Variants in CDYL2 observed in about 807,000 individuals in gnomAD.
CDYL2 encodes the protein chromodomain Y-like protein 2.
In CDYL2, 23 loss-of-function variants were observed where a neutral mutation model predicts 49.4. That is an observed-to-expected ratio of 0.47 (90% CI 0.34 to 0.66). The LOEUF (loss-of-function observed/expected upper bound fraction) is 0.66. Ranked by LOEUF, CDYL2 falls within the 30% of genes least tolerant of loss-of-function variation. The probability of loss-of-function intolerance (pLI) is 0.01; values close to 1 mark genes in which losing one functional copy is unlikely to be tolerated. For missense variants in CDYL2, 678 were observed against 656.4 expected (o/e 1.03, Z -0.36); for synonymous variants, 360 against 268.8 (o/e 1.34, Z -3.32).
chr16:80,640,270 A>G (rs2142403099), intron 2 of CDYL2, among the ~76,000 whole-genome samples: 1 of 152,286 alleles, frequency 6.6e-6, no homozygotes, highest in East Asian at 1.9e-4. Flanking sequence ...TGCATTTTGG[A>G]TAACAGCTCA....
chr16:80,693,013 T>G (rs1245104298), intron 1 of CDYL2, among the ~76,000 whole-genome samples: 1 of 151,686 alleles, frequency 6.6e-6, no homozygotes, highest in African/African-American at 2.4e-5. Flanking sequence ...CACACAACAA[T>G]TTGGAAGAAA....
At chr16:80,610,332 T>C (rs923368845) in intron 5 of CDYL2, among the ~76,000 whole-genome samples, 4 of 152,158 alleles carry the variant, frequency 2.6e-5, no homozygotes, top group Non-Finnish European at 5.9e-5. Flanking sequence ...GTCCTGAGAA[T>C]GTGCGGAGCT....
At chr16:80,648,881 T>C (rs139901867) in intron 2 of CDYL2, among the ~76,000 whole-genome samples, 2 of 152,146 alleles carry the variant, frequency 1.3e-5, no homozygotes, top group South Asian at 4.1e-4. Context: ...ATCAACAGAA[T>C]GATGGACAAA....
chr16:80,648,420 G>A (rs959223391), intron 2 of CDYL2, among the ~76,000 whole-genome samples: 4 of 152,018 alleles, frequency 2.6e-5, no homozygotes, highest in Non-Finnish European at 4.4e-5. Flanking sequence ...CAAATTCCTA[G>A]ACACATACAA....
At chr16:80,658,186 A>G (rs1323783034) in intron 2 of CDYL2, among the ~76,000 whole-genome samples, 4 of 151,840 alleles carry the variant, frequency 2.6e-5, no homozygotes, top group African/African-American at 7.3e-5. Context: ...GGGAAAATTG[A>G]GTAAAAGGGA....
chr16:80,638,271 C>T (rs1907928834), intron 2 of CDYL2, among the ~76,000 whole-genome samples: 1 of 152,148 alleles, frequency 6.6e-6, no homozygotes, highest in Admixed American at 6.5e-5. Flanking sequence ...AACAGGGTCT[C>T]ACTATGTTGC....
intron 2 of CDYL2, among the ~76,000 whole-genome samples, chr16:80,652,784 CA>C (rs1054256936): frequency 1.3e-5 from 2 of 152,180 alleles, no homozygotes; most frequent in Non-Finnish European, 2.9e-5. Flanking sequence ...AAACTCACAA[CA>C]CCACTCTAAT....
At position 80,715,226 on chromosome 16, in the gene CDYL2, C is replaced by T. The variant is rs375668640; in HGVS notation, c.25-30097G>A. 7.2e-5 allele frequency among the ~76,000 whole-genome samples: 11 copies of T among 152,242 alleles called. No individual in the cohort carries two copies. In the East Asian group the frequency reaches 9.7e-4, roughly 13 times the overall value. On this transcript the variant is annotated intron_variant, in intron 1 of 6. Transcript: ENST00000570137. ...ATGTTGTGTCTGGCTCAGGCACTGACGTGGGCTCCACAGCACATGATACAG... is the reference window on the plus strand; with the variant it reads ...ATGTTGTGTCTGGCTCAGGCACTGATGTGGGCTCCACAGCACATGATACAG...
chr16:80,764,352 T>C (rs148209121), intron 1 of CDYL2, among the ~76,000 whole-genome samples: 228 of 152,190 alleles, frequency 1.5e-3, no homozygotes, highest in South Asian at 3.5e-3. Flanking sequence ...AAAAGAGATA[T>C]GGGAAAACTG....
chr16:80,671,037 T>C lies in CDYL2; in HGVS notation c.616+13501A>G, dbSNP rs1909481486. 4.6e-5 allele frequency: 21 copies of C among 455,588 alleles called. 1 individual carries two copies. The highest frequency in any genetic ancestry group is 3.3e-4 in the South Asian group (21 of 64,538). The allele number at this position is 455,588 out of a possible 1,614,324, so 28.2% of individuals were successfully genotyped here. On this transcript the variant is annotated intron_variant, in intron 2 of 6. Transcript: ENST00000570137. Reference sequence around the variant, plus strand: ...AACCAGTCTAGGGTTGTGACTTTCCTCTATGGCATCCCTGACCCCAGTGGA... The same window carrying C: ...AACCAGTCTAGGGTTGTGACTTTCCCCTATGGCATCCCTGACCCCAGTGGA...
intron 1 of CDYL2, among the ~76,000 whole-genome samples, chr16:80,705,738 G>A (rs1046053873): frequency 6.6e-6 from 1 of 152,248 alleles, no homozygotes; most frequent in East Asian, 1.9e-4. Flanking sequence ...ATCTGCCCTT[G>A]TCATGCAAAC....
chr16:80,735,541 T>C (rs888934800), intron 1 of CDYL2, among the ~76,000 whole-genome samples: 1 of 152,158 alleles, frequency 6.6e-6, no homozygotes, highest in Non-Finnish European at 1.5e-5. Context: ...ACCATCCCCA[T>C]GTTTGATACT....
chr16:80,633,208 G>A lies in CDYL2; in HGVS notation c.645C>T (p.Asn215=). 6.2e-7 allele frequency: 1 copy of A among 1,614,134 alleles called. No homozygotes were observed. Among genetic ancestry groups the A allele is most frequent in the Non-Finnish European group, 8.5e-7 (1 of 1,180,012 alleles). ...GCTTCCTCTTCACTGGACTGTGCAG[G>A]TTCAATCCCCCGTTGGTCAGAGCAG... ...LGSALTNGGL[N]LHSPVKRKLE... Residue 215 remains asparagine, a synonymous_variant, in exon 3 of 7, where the codon AAC becomes AAT. Transcript: ENST00000570137.
At chr16:80,802,881 G>A (rs1226592871) in intron 1 of CDYL2, among the ~76,000 whole-genome samples, 1 of 152,206 alleles carries the variant, frequency 6.6e-6, no homozygotes, top group Non-Finnish European at 1.5e-5. Flanking sequence ...ACCCTACAAT[G>A]TCTTATGCAA....
intron 1 of CDYL2, among the ~76,000 whole-genome samples, chr16:80,737,943 T>C (rs1393641380): frequency 1.3e-5 from 2 of 152,172 alleles, no homozygotes; most frequent in Non-Finnish European, 2.9e-5. Context: ...TAGGTATACA[T>C]GTGCCATGGT....
intron 3 of CDYL2, 158 bp downstream of exon 3, chr16:80,632,861 T>C: frequency 1.6e-6 from 1 of 642,434 alleles, no homozygotes; most frequent in Non-Finnish European, 2.7e-6. Flanking sequence ...ATAATGTATG[T>C]AAAATGATGA....
chr16:80,648,910 A>G (rs1197630148), intron 2 of CDYL2, among the ~76,000 whole-genome samples: 1 of 152,202 alleles, frequency 6.6e-6, no homozygotes, highest in African/African-American at 2.4e-5. Context: ...GATTATTTCA[A>G]TTGGTGCTGA....
chr16:80,685,360 T>G (rs1407591577), intron 1 of CDYL2, among the ~76,000 whole-genome samples: 1 of 152,198 alleles, frequency 6.6e-6, no homozygotes, highest in Admixed American at 6.5e-5. Flanking sequence ...CCATTTCCCA[T>G]GATGACGCTA....
Position 80,604,450 on chromosome 16 carries a change from T to C in CDYL2, c.1459A>G (p.Ser487Gly). ...KECLMLKQLWSSSKGLDSLFS... is the reference protein window; with the variant it reads ...KECLMLKQLWGSSKGLDSLFS... The stretch of plus-strand genomic sequence containing the variant: ...AGGGAGTCAAGGCCTTTGGAGGAGC[T>C]CCAGAGCTGCTTGAGCATGAGGCAT... Residue 487 changes from serine to glycine, a missense_variant, in exon 7 of 7, where the codon AGC becomes GGC. By Grantham distance (56) the Ser-to-Gly change is moderately conservative. Coordinates refer to ENST00000570137, the MANE Select transcript of CDYL2 (RefSeq NM_152342.4). 6.2e-7 allele frequency: 1 copy of C among 1,614,126 alleles called. No individual in the cohort carries two copies. Among genetic ancestry groups the C allele is most frequent in the Non-Finnish European group, 8.5e-7 (1 of 1,180,018 alleles).
Sources: gnomAD v4.1 joint callset for allele counts (sites outside exome capture counted in the v4.1 genomes callset) on GRCh38, gnomAD v4.1.1 for gene constraint, MANE v1.5 for transcripts, NCBI Gene and HGNC (gene_info 2026-07-23, HGNC 2026-07-21) for gene names.